Variants in EPHB1 observed in about 807,000 individuals in gnomAD.
EPHB1 encodes EPH receptor B1, also known as ephrin type-B receptor 1.
Under a neutral mutation model 94.4 loss-of-function variants are expected in EPHB1, and 30 were observed. The observed-to-expected ratio is 0.32, with a 90% CI of 0.24 to 0.43. EPHB1 has a LOEUF of 0.43. EPHB1 is among the 20% of genes least tolerant of loss of function. The pLI is 1.00. For synonymous variants in EPHB1, 522 were observed against 489.1 expected, an observed-to-expected ratio of 1.07 and a Z score of -0.89; for missense variants, 1,055 against 1,308.3, an observed-to-expected ratio of 0.81 and a Z score of 2.99.
chr3:135,256,447 G>A (rs1304908695), intron 15 of EPHB1, among the ~76,000 whole-genome samples: 1 of 152,156 alleles, frequency 6.6e-6, no homozygotes, highest in Non-Finnish European at 1.5e-5. Context: ...TTGCTTGTCT[G>A]TAAAGTATTT....
chr3:135,007,781 C>G (rs1001441362), intron 3 of EPHB1, among the ~76,000 whole-genome samples: 1 of 152,230 alleles, frequency 6.6e-6, no homozygotes, highest in African/African-American at 2.4e-5. Flanking sequence ...GCATTTTAGT[C>G]ATTCTTCCAG....
chr3:135,114,955 C>G (rs1478644953), intron 4 of EPHB1, among the ~76,000 whole-genome samples: 1 of 152,074 alleles, frequency 6.6e-6, no homozygotes, highest in African/African-American at 2.4e-5. Context: ...AGAAGTTACT[C>G]TTGTGGAAAT....
intron 12 of EPHB1, among the ~76,000 whole-genome samples, chr3:135,206,278 C>A (rs566113210): frequency 5.3e-5 from 8 of 152,130 alleles, no homozygotes; most frequent in Non-Finnish European, 1.2e-4. Flanking sequence ...CAGGAATATT[C>A]CGGAATTCAT....
Position 135,177,635 on chromosome 3 carries a change from G to T in EPHB1, c.1760-2225G>T, listed in dbSNP as rs375278569. ...CTTGAGAATGCGCCTCTTATAGGCT[G>T]CCTTCCTTTCCCTATCTTACTTCCC... On this transcript the variant is annotated intron_variant, in intron 9 of 15. Coordinates refer to ENST00000398015, the MANE Select transcript of EPHB1 (RefSeq NM_004441.5). Among the ~76,000 whole-genome samples the T allele has an allele frequency of 3.3e-5, 5 of 152,318 alleles. No individual in the cohort carries two copies. The East Asian group carries it at 5.8e-4, about 18-fold the overall frequency.
intron 3 of EPHB1, among the ~76,000 whole-genome samples, chr3:134,989,489 G>A (rs966849640): frequency 2.0e-4 from 25 of 124,200 alleles, no homozygotes; most frequent in African/African-American, 5.3e-4. Context: ...GCACACGCAC[G>A]CGCGCGTGCA....
chr3:134,888,189 A>G (rs1216560962), intron 1 of EPHB1, among the ~76,000 whole-genome samples: 3 of 152,216 alleles, frequency 2.0e-5, no homozygotes, highest in Non-Finnish European at 1.5e-5. Context: ...AGGGGCAGCC[A>G]GCCAGAGCAC....
intron 1 of EPHB1, among the ~76,000 whole-genome samples, chr3:134,801,728 C>T (rs890067045): frequency 6.6e-6 from 1 of 152,166 alleles, no homozygotes; most frequent in African/African-American, 2.4e-5. Flanking sequence ...CTGCAGATTC[C>T]ATTTCAAGTG....
rs183953691 is a variant in EPHB1, at chr3:135,138,336, A to G, written c.1297+5287A>G. On this transcript the variant is annotated intron_variant, in intron 5 of 15. Transcript: ENST00000398015. ...CAGTTAAAATCACTCAGATACACTA[A>G]TTTTCTTACAAAAGAATTACCTAGC... Among the ~76,000 whole-genome samples the G allele has an allele frequency of 8.5e-5, 13 of 152,284 alleles. No individual in the cohort carries two copies. The East Asian group carries it at 2.3e-3, about 27-fold the overall frequency.
chr3:135,078,152 G>A lies in EPHB1; in HGVS notation c.806-28296G>A, dbSNP rs919047506. On this transcript the variant is annotated intron_variant, in intron 3 of 15. Coordinates refer to ENST00000398015, the MANE Select transcript of EPHB1 (RefSeq NM_004441.5). ...TCCTGCTCAAGGGTAGATTTGATGG[G>A]GTAAGAGGCCAGGCTCTTAAAGGCC... Among the ~76,000 whole-genome samples the A allele has an allele frequency of 2.6e-5, 4 of 152,210 alleles. No homozygotes were observed. In the East Asian group the frequency reaches 5.8e-4, roughly 22 times the overall value.
At chr3:134,804,230 G>A (rs1191656678) in intron 1 of EPHB1, among the ~76,000 whole-genome samples, 3 of 151,924 alleles carry the variant, frequency 2.0e-5, no homozygotes, top group Non-Finnish European at 2.9e-5. Flanking sequence ...AATCATGGTG[G>A]GAGGTGAAAA....
At position 134,951,339 on chromosome 3, in the gene EPHB1, G is replaced by T; in HGVS notation, c.124-32G>T. 1 of 1,505,054 alleles carries T rather than the reference G, an allele frequency of 6.6e-7. No homozygotes were observed. Among genetic ancestry groups the T allele is most frequent in the Non-Finnish European group, 8.9e-7 (1 of 1,125,584 alleles). 93.2% of individuals were successfully genotyped at this position (1,505,054 alleles called of 1,614,324 possible). On this transcript the variant is annotated intron_variant, in intron 2 of 15. Coordinates refer to ENST00000398015, the MANE Select transcript of EPHB1 (RefSeq NM_004441.5). The surrounding 1 kb of genome is among the most constrained non-coding windows in gnomAD (Gnocchi z 4.5). ...TTCTCACTCTCTATTTTGTGTTTTT[G>T]CATGTGTGTGCCTGTGGCCTGCTAT...
chr3:135,258,211 T>G (rs1933498196), intron 15 of EPHB1, among the ~76,000 whole-genome samples: 1 of 152,244 alleles, frequency 6.6e-6, no homozygotes, highest in South Asian at 2.1e-4. Context: ...CTGTTCCTAT[T>G]CGGCCATCTT....
Position 135,004,334 on chromosome 3 carries a change from A to C in EPHB1, c.805+52282A>C, listed in dbSNP as rs527317269. 2.6e-5 allele frequency among the ~76,000 whole-genome samples: 4 copies of C among 151,612 alleles called. 1 individual carries two copies. In the South Asian group the frequency reaches 8.4e-4, roughly 32 times the overall value. On this transcript the variant is annotated intron_variant, in intron 3 of 15. Coordinates refer to ENST00000398015, the MANE Select transcript of EPHB1 (RefSeq NM_004441.5). ...GGTTTCTGCCGAGAGATCTGCTGTTAGTCTGATGGTCTTCCCTTTGAGGGT... is the reference window on the plus strand; with the variant it reads ...GGTTTCTGCCGAGAGATCTGCTGTTCGTCTGATGGTCTTCCCTTTGAGGGT...
intron 2 of EPHB1, among the ~76,000 whole-genome samples, chr3:134,933,752 C>CG (rs1202430223): frequency 6.6e-6 from 1 of 152,172 alleles, no homozygotes; most frequent in Non-Finnish European, 1.5e-5. Flanking sequence ...AATTATGCTC[C>CG]ACTGTCTTCC....
At chr3:135,191,644 T>C (rs1446823891) in intron 10 of EPHB1, among the ~76,000 whole-genome samples, 1 of 152,196 alleles carries the variant, frequency 6.6e-6, no homozygotes, top group Non-Finnish European at 1.5e-5. Flanking sequence ...AGATTTTTTT[T>C]TTTTTTTAGG....
chr3:135,251,825 C>CA (rs35787540), intron 15 of EPHB1, among the ~76,000 whole-genome samples: 1 of 152,180 alleles, frequency 6.6e-6, no homozygotes, highest in Non-Finnish European at 1.5e-5. Context: ...GTGTACAAAG[C>CA]AATCAGCTGT....
chr3:134,821,988 C>T (rs1161004862), intron 1 of EPHB1, among the ~76,000 whole-genome samples: 4 of 152,068 alleles, frequency 2.6e-5, no homozygotes, highest in East Asian at 3.9e-4. Flanking sequence ...TTTGGTTAAA[C>T]GCAAAGTGAA....
chr3:134,866,436 C>G (rs902720541), intron 1 of EPHB1, among the ~76,000 whole-genome samples: 1 of 152,178 alleles, frequency 6.6e-6, no homozygotes, highest in African/African-American at 2.4e-5. Context: ...AGGCCATGCC[C>G]ACTTCTGTCA....
At chr3:135,129,549 C>A (rs1386082973) in intron 4 of EPHB1, among the ~76,000 whole-genome samples, 2 of 152,164 alleles carry the variant, frequency 1.3e-5, no homozygotes, top group Admixed American at 1.3e-4. Context: ...AGGTAGAAAA[C>A]CAGGTGGGAG....
Sources: allele counts gnomAD v4.1 joint callset (sites outside exome capture counted in the v4.1 genomes callset), GRCh38; gene constraint gnomAD v4.1.1; non-coding constraint Gnocchi (gnomAD v3.1); transcripts MANE v1.5; gene names NCBI Gene and HGNC (gene_info 2026-07-23, HGNC 2026-07-21).